The following CYFIP2 variants were observed in gnomAD, a reference collection of about 807,000 sequenced individuals.
The protein encoded by CYFIP2 is cytoplasmic FMR1 interacting protein 2.
Under a neutral mutation model 158.7 loss-of-function variants are expected in CYFIP2, and 29 were observed. The ratio of observed to expected loss-of-function variants is 0.18; its 90% confidence interval spans 0.14 to 0.25. The LOEUF (loss-of-function observed/expected upper bound fraction) is 0.25, where lower values mean the gene tolerates loss of function less well. CYFIP2 is among the 10% of genes least tolerant of loss of function. The pLI is 1.00. For missense variants in CYFIP2, 852 were observed against 1,639.5 expected, an observed-to-expected ratio of 0.52 and a Z score of 8.29; for synonymous variants, 585 against 617.6, an observed-to-expected ratio of 0.95 and a Z score of 0.78.
In CYFIP2 at chr5:157,361,793, TCA is replaced by T. The variant is rs1243093780; in HGVS notation, c.3039+196_3039+197del. On this transcript the variant is annotated intron_variant, in intron 26 of 30. Transcript: ENST00000620254. This position sits in a 1 kb window ranked among gnomAD's most constrained non-coding sequence, Gnocchi z 4.4. ...CACGATTAGTGCAGTTGTCTAGGTC[TCA>T]GTTTGCCATTCCCTCATGTTATGGA... Among the ~76,000 whole-genome samples, 4 of 152,202 alleles carry T rather than the reference TCA, an allele frequency of 2.6e-5. No homozygotes were observed. Among genetic ancestry groups the T allele is most frequent in the Admixed American group, 6.5e-5 (1 of 15,288 alleles).
chr5:157,331,641 T>A (rs1365718563), intron 20 of CYFIP2, among the ~76,000 whole-genome samples: 1 of 151,950 alleles, frequency 6.6e-6, no homozygotes, highest in Non-Finnish European at 1.5e-5. Context: ...AAAAATAGAA[T>A]TTGTACTTCT....
intron 11 of CYFIP2, among the ~76,000 whole-genome samples, chr5:157,312,275 T>C (rs776748696): frequency 1.3e-5 from 2 of 151,770 alleles, no homozygotes; most frequent in Non-Finnish European, 2.9e-5. Context: ...GCCATAAAAA[T>C]CTCCACTAAT....
At chr5:157,282,423 A>G (rs879795395) in intron 1 of CYFIP2, among the ~76,000 whole-genome samples, 1 of 151,666 alleles carries the variant, frequency 6.6e-6, no homozygotes, top group Non-Finnish European at 1.5e-5. Context: ...TGATCCAAAC[A>G]CCTCCCACCA....
chr5:157,273,824 C>G (rs13358935), intron 1 of CYFIP2, among the ~76,000 whole-genome samples: 4,389 of 152,134 alleles, frequency 0.029, 230 homozygotes, highest in African/African-American at 0.1. Flanking sequence ...GCATACTGTA[C>G]AATTCACTCA....
At chr5:157,300,918 C>G in intron 6 of CYFIP2, 22 bp downstream of exon 6, 2 of 1,524,546 alleles carry the variant, frequency 1.3e-6, no homozygotes, top group South Asian at 2.5e-5. Flanking sequence ...CTCCCCCTCT[C>G]CCCTTTCCCC....
intron 1 of CYFIP2, among the ~76,000 whole-genome samples, chr5:157,278,598 A>G (rs542091859): frequency 4.4e-4 from 67 of 152,330 alleles, no homozygotes; most frequent in African/African-American, 1.6e-3. Flanking sequence ...TACCTGCTGA[A>G]TTGAATTTGC....
At chr5:157,322,076 C>T (rs1760637845) in intron 15 of CYFIP2, among the ~76,000 whole-genome samples, 2 of 151,854 alleles carry the variant, frequency 1.3e-5, no homozygotes, top group Non-Finnish European at 2.9e-5. Context: ...GGTGGGTCAC[C>T]AGCAGTAAAT....
At chr5:157,349,322 C>G (rs1010919666) in intron 23 of CYFIP2, among the ~76,000 whole-genome samples, 1 of 152,092 alleles carries the variant, frequency 6.6e-6, no homozygotes, top group African/African-American at 2.4e-5. Flanking sequence ...TTCTTAATGC[C>G]TTTCTGTCCT....
intron 22 of CYFIP2, among the ~76,000 whole-genome samples, chr5:157,340,069 A>T (rs1000843790): frequency 6.6e-6 from 1 of 152,284 alleles, no homozygotes; most frequent in Non-Finnish European, 1.5e-5. Flanking sequence ...GAGCACACAT[A>T]CGCATGACAA....
intron 26 of CYFIP2, among the ~76,000 whole-genome samples, chr5:157,371,628 CTAAG>C (rs752101956): frequency 3.3e-5 from 5 of 152,268 alleles, no homozygotes; most frequent in South Asian, 4.1e-4. Context: ...GCCTCATAGA[CTAAG>C]TGAGTTGGGA....
intron 8 of CYFIP2, among the ~76,000 whole-genome samples, chr5:157,307,389 C>T (rs970929823): frequency 6.6e-6 from 1 of 152,182 alleles, no homozygotes; most frequent in Non-Finnish European, 1.5e-5. Flanking sequence ...GCTGTGTGGC[C>T]TTGGCGAGCT....
chr5:157,274,784 G>A lies in CYFIP2; in HGVS notation c.-24+8589G>A, dbSNP rs889163191. 2.0e-5 allele frequency among the ~76,000 whole-genome samples: 3 copies of A among 152,100 alleles called. No individual in the cohort carries two copies. The East Asian group carries it at 5.8e-4, about 29-fold the overall frequency. ...ATCCTAGTGGGTGTGAAGTGGTATCGATTTGCATTTCCCTAATAACTAAGG... is the reference window on the plus strand; with the variant it reads ...ATCCTAGTGGGTGTGAAGTGGTATCAATTTGCATTTCCCTAATAACTAAGG... On this transcript the variant is annotated intron_variant, in intron 1 of 30. Transcript: ENST00000620254.
intron 1 of CYFIP2, among the ~76,000 whole-genome samples, chr5:157,276,387 T>C (rs1756547337): frequency 6.6e-6 from 1 of 152,234 alleles, no homozygotes; most frequent in Non-Finnish European, 1.5e-5. Flanking sequence ...TGAGATGATA[T>C]GGTTTCTGAC....
Position 157,389,341 on chromosome 5 carries a change from C to T in CYFIP2, c.3360C>T (p.Val1120=), listed in dbSNP as rs750011023. 2.0e-5 allele frequency: 33 copies of T among 1,613,848 alleles called. No homozygotes were observed. Among genetic ancestry groups the T allele is most frequent in the Middle Eastern group, 1.6e-4 (1 of 6,082 alleles). Residue 1120 remains valine, a synonymous_variant, in exon 29 of 31, where the codon GTC becomes GTT. Transcript: ENST00000620254. ...GPPPTNGVMH[V]DECVEFHRLW... is the part of the protein sequence containing the mutation. ...CGCCCACCAATGGCGTCATGCACGT[C>T]GATGAGTGTGTGGAGTTCCACCGGC...
Position 157,290,670 on chromosome 5 carries a change from C to G in CYFIP2, c.207+3562C>G, listed in dbSNP as rs147007910. ...AGGGAGAGTGTTGATGTGGCTTAGG[C>G]ATGAGTCATGAGTGGCATGCAATGC... On this transcript the variant is annotated intron_variant, in intron 3 of 30. Transcript: ENST00000620254. 4.6e-5 allele frequency among the ~76,000 whole-genome samples: 7 copies of G among 152,332 alleles called. No individual in the cohort carries two copies. The East Asian group carries it at 1.3e-3, about 29-fold the overall frequency.
At position 157,395,540 on chromosome 5, in the gene CYFIP2, T is replaced by G; in HGVS notation, c.*2540T>G. On this transcript the variant is annotated 3_prime_UTR_variant, in exon 31 of 31. Transcript: ENST00000620254. ...ATTTGTATTTTGGGGGTACCTGTGTTGAGTTGATAAACATTTCCATCTTCA... is the reference window on the plus strand; with the variant it reads ...ATTTGTATTTTGGGGGTACCTGTGTGGAGTTGATAAACATTTCCATCTTCA... 1 of 1,026,402 alleles carries G rather than the reference T, an allele frequency of 9.7e-7. No homozygotes were observed. The highest frequency in any genetic ancestry group is 1.3e-6 in the Non-Finnish European group (1 of 749,730). The allele number at this position is 1,026,402 out of a possible 1,614,324, so 63.6% of individuals were successfully genotyped here. A position where few individuals can be genotyped will look rare whatever the true frequency, so the allele number is the denominator to read the frequency against.
At chr5:157,383,473 A>T in intron 28 of CYFIP2, 114 bp downstream of exon 28, 1 of 938,848 alleles carries the variant, frequency 1.1e-6, no homozygotes, top group Non-Finnish European at 1.6e-6. Context: ...AGGGAAGACA[A>T]TGTCCAATAC....
At chr5:157,353,979 A>T (rs557893900) in intron 23 of CYFIP2, among the ~76,000 whole-genome samples, 2 of 152,228 alleles carry the variant, frequency 1.3e-5, no homozygotes. Context: ...AAAAGTCTGT[A>T]TACAACATTT....
intron 23 of CYFIP2, among the ~76,000 whole-genome samples, chr5:157,347,686 T>A (rs983004722): frequency 1.3e-5 from 2 of 152,250 alleles, no homozygotes; most frequent in Non-Finnish European, 2.9e-5. Flanking sequence ...CAAGCCTTTT[T>A]CCACAGAAAA....
Sources: allele counts gnomAD v4.1 joint callset (sites outside exome capture counted in the v4.1 genomes callset), GRCh38; gene constraint gnomAD v4.1.1; non-coding constraint Gnocchi (gnomAD v3.1); transcripts MANE v1.5; gene names NCBI Gene and HGNC (gene_info 2026-07-23, HGNC 2026-07-21).